The following POFUT3 variants were observed in gnomAD, a reference collection of about 807,000 sequenced individuals.
POFUT3 encodes the protein GDP-fucose protein O-fucosyltransferase 3.
the POFUT3 span, among the ~76,000 whole-genome samples, chr8:33,469,407 T>C: frequency 2.1e-3 from 318 of 152,336 alleles, 3 homozygotes; most frequent in South Asian, 3.3e-3. Flanking sequence ...TATTTTTATA[T>C]AAAGCATGCT....
the POFUT3 span, among the ~76,000 whole-genome samples, chr8:33,376,918 G>GA: frequency 6.6e-6 from 1 of 152,272 alleles, no homozygotes; most frequent in Middle Eastern, 3.4e-3. Context: ...CTGCCAAACT[G>GA]AGGAATCAGA....
At chr8:33,418,246 C>T in the POFUT3 span, among the ~76,000 whole-genome samples, 108 of 152,260 alleles carry the variant, frequency 7.1e-4, no homozygotes, top group African/African-American at 2.3e-3. Context: ...GCCCCACAAC[C>T]ACCACCGCTG....
the POFUT3 span, among the ~76,000 whole-genome samples, chr8:33,364,242 C>T: frequency 2.6e-5 from 4 of 152,160 alleles, no homozygotes; most frequent in Non-Finnish European, 5.9e-5. Flanking sequence ...TAAAAACTCT[C>T]AATAAACTAG....
chr8:33,431,192 G>A, the POFUT3 span, among the ~76,000 whole-genome samples: 1 of 152,008 alleles, frequency 6.6e-6, no homozygotes, highest in East Asian at 1.9e-4. Flanking sequence ...ATCATCAGAT[G>A]CCATATTAGT....
the POFUT3 span, among the ~76,000 whole-genome samples, chr8:33,370,052 C>A: frequency 6.6e-6 from 1 of 151,686 alleles, no homozygotes; most frequent in Non-Finnish European, 1.5e-5. Flanking sequence ...CATTGAATGG[C>A]CAGGCGCAGT....
the POFUT3 span, among the ~76,000 whole-genome samples, chr8:33,434,090 G>A: frequency 2.0e-5 from 3 of 151,826 alleles, no homozygotes; most frequent in Admixed American, 2.0e-4. Flanking sequence ...GGTGAAACCT[G>A]TCTCTACTAA....
the POFUT3 span, among the ~76,000 whole-genome samples, chr8:33,319,382 G>T: frequency 0.68 from 4,304 of 6,372 alleles, 1,272 homozygotes; most frequent in Middle Eastern, 1. Flanking sequence ...ATATATTATA[G>T]AAATATATTT....
chr8:33,388,317 A>G, the POFUT3 span, among the ~76,000 whole-genome samples: 3 of 146,560 alleles, frequency 2.0e-5, no homozygotes, highest in African/African-American at 7.5e-5. Context: ...GACCATGTGG[A>G]TAAGCAGAAC....
chr8:33,407,833 T>C, the POFUT3 span, among the ~76,000 whole-genome samples: 1 of 150,408 alleles, frequency 6.6e-6, no homozygotes, highest in Admixed American at 6.6e-5. Flanking sequence ...TGAAACCCTG[T>C]CTCTACTAAA....
At chr8:33,321,447 C>A in the POFUT3 span, among the ~76,000 whole-genome samples, 1 of 152,072 alleles carries the variant, frequency 6.6e-6, no homozygotes, top group Non-Finnish European at 1.5e-5. Flanking sequence ...ATTTCTCTCT[C>A]CCTCCCTCCA....
At chr8:33,387,396 C>T in the POFUT3 span, among the ~76,000 whole-genome samples, 10 of 152,126 alleles carry the variant, frequency 6.6e-5, no homozygotes, top group African/African-American at 1.4e-4. Context: ...ATATGGTATA[C>T]ATACAATACC....
At chr8:33,420,962 T>A in the POFUT3 span, among the ~76,000 whole-genome samples, 2 of 151,632 alleles carry the variant, frequency 1.3e-5, no homozygotes, top group African/African-American at 2.4e-5. Flanking sequence ...AAAGAAAAAA[T>A]ATATATATGT....
chr8:33,369,121 A>G, the POFUT3 span, among the ~76,000 whole-genome samples: 1 of 152,238 alleles, frequency 6.6e-6, no homozygotes, highest in South Asian at 2.1e-4. Context: ...GGTAATGACC[A>G]CAGATAGCTG....
chr8:33,367,618 C>CAAAT, the POFUT3 span, among the ~76,000 whole-genome samples: 6 of 151,752 alleles, frequency 4.0e-5, no homozygotes, highest in South Asian at 2.1e-4. Flanking sequence ...CTGGTCTTGG[C>CAAAT]AAATAAATAA....
the POFUT3 span, among the ~76,000 whole-genome samples, chr8:33,440,643 C>T: frequency 1.3e-5 from 2 of 152,032 alleles, no homozygotes; most frequent in Admixed American, 6.6e-5. Context: ...GTCACGTGAA[C>T]CACTTCACAC....
At chr8:33,392,460 T>A in the POFUT3 span, among the ~76,000 whole-genome samples, 1 of 150,966 alleles carries the variant, frequency 6.6e-6, no homozygotes, top group African/African-American at 2.4e-5. Context: ...GTAGTAGTAA[T>A]CCCAGCTACT....
the POFUT3 span, among the ~76,000 whole-genome samples, chr8:33,397,355 G>C: frequency 6.6e-6 from 1 of 152,286 alleles, no homozygotes; most frequent in African/African-American, 2.4e-5. Context: ...GGTCTCTGAG[G>C]CTCCGCTCTT....
chr8:33,373,210 C>G, the POFUT3 span, among the ~76,000 whole-genome samples: 1 of 152,104 alleles, frequency 6.6e-6, no homozygotes, highest in African/African-American at 2.4e-5. Context: ...TTTGTATTTG[C>G]ATGTAAGCGT....
the POFUT3 span, among the ~76,000 whole-genome samples, chr8:33,379,847 AT>A: frequency 0.86 from 77,152 of 89,848 alleles, 33,891 homozygotes; most frequent in Non-Finnish European, 0.95. Context: ...AAAAAAAAAA[AT>A]ATATATATAT....
Sources: gnomAD v4.1 joint callset for allele counts (sites outside exome capture counted in the v4.1 genomes callset) on GRCh38, gnomAD v4.1.1 for gene constraint, MANE v1.5 for transcripts, NCBI Gene and HGNC (gene_info 2026-07-23, HGNC 2026-07-21) for gene names.